The following ZNF705A variants were observed in gnomAD, a reference collection of about 807,000 sequenced individuals.
ZNF705A encodes the protein zinc finger protein 705A.
Under a neutral mutation model 16.6 loss-of-function variants are expected in ZNF705A, and 8 were observed. The observed-to-expected ratio is 0.48, with a 90% CI of 0.28 to 0.87. ZNF705A has a LOEUF of 0.87. Among genes scored for constraint, ZNF705A ranks in the 40% least tolerant of loss-of-function variants. ZNF705A has a pLI of 0.10. For missense variants in ZNF705A, 233 were observed against 359.9 expected, an observed-to-expected ratio of 0.65 and a Z score of 2.85; for synonymous variants, 73 against 117.3, an observed-to-expected ratio of 0.62 and a Z score of 2.44.
intron 1 of ZNF705A, among the ~76,000 whole-genome samples, chr12:8,164,357 C>G (rs1199566111): frequency 6.6e-6 from 1 of 152,272 alleles, no homozygotes; most frequent in South Asian, 2.1e-4. Flanking sequence ...TGTGGTTGGC[C>G]TATTTCATAT....
chr12:8,177,622 C>T, exon 5 of ZNF705A: 1 of 1,571,636 alleles, frequency 6.4e-7, no homozygotes. Context: ...CATATGAATG[C>T]CATTTATGTG....
In ZNF705A at chr12:8,174,521, C is replaced by G. The variant is rs1476595681; in HGVS notation, c.139+69C>G. The G allele has an allele frequency of 5.6e-6, 9 of 1,593,162 alleles. No individual in the cohort carries two copies. In the East Asian group the frequency reaches 1.8e-4, roughly 32 times the overall value. ...CTCATTCATTCAATAAGTGTTAGAACAGCTTCCCCATATCTCACTCTAATC... is the reference window on the plus strand; with the variant it reads ...CTCATTCATTCAATAAGTGTTAGAAGAGCTTCCCCATATCTCACTCTAATC... On this transcript the variant is annotated intron_variant, in intron 2 of 4. Transcript: ENST00000359286.
chr12:8,159,401 C>T (rs1057056429), intron 1 of ZNF705A, among the ~76,000 whole-genome samples: 1 of 152,076 alleles, frequency 6.6e-6, no homozygotes, highest in Non-Finnish European at 1.5e-5. Context: ...CACTTTTCTA[C>T]ATAGTGACTG....
intron 1 of ZNF705A, among the ~76,000 whole-genome samples, chr12:8,167,144 C>T (rs1948405796): frequency 6.6e-6 from 1 of 152,094 alleles, no homozygotes; most frequent in African/African-American, 2.4e-5. Flanking sequence ...TCCAGTTTAC[C>T]TCCAAAGAAT....
At chr12:8,171,832 GTTCAAGAGATTCTCCTGC>G (rs1329668756), upstream of ZNF705A, among the ~76,000 whole-genome samples, 2 of 152,136 alleles carry the variant, frequency 1.3e-5, no homozygotes, top group African/African-American at 4.8e-5. Flanking sequence ...TGCCTCCCGG[GTTCAAGAGATTCTCCTGC>G]TTCAGCCTCC....
At chr12:8,173,116 T>C (rs1050363070) in intron 1 of ZNF705A, among the ~76,000 whole-genome samples, 3 of 152,256 alleles carry the variant, frequency 2.0e-5, no homozygotes, top group African/African-American at 7.2e-5. Context: ...ATGAGTCTGA[T>C]GTTCTAGCAG....
chr12:8,171,654 G>C (rs1477944724), upstream of ZNF705A, among the ~76,000 whole-genome samples: 15 of 152,190 alleles, frequency 9.9e-5, no homozygotes, highest in Admixed American at 7.2e-4. Context: ...TTCTGATGCA[G>C]GAGATTTTAA....
intron 3 of ZNF705A, among the ~76,000 whole-genome samples, chr12:8,175,602 C>A (rs746035611): frequency 6.6e-6 from 1 of 152,158 alleles, no homozygotes. Context: ...TCCCTGATAC[C>A]CCTGTGAAGA....
At chr12:8,159,789 T>C (rs1056708860) in intron 1 of ZNF705A, among the ~76,000 whole-genome samples, 2 of 152,188 alleles carry the variant, frequency 1.3e-5, no homozygotes. Flanking sequence ...TTTACTCTAC[T>C]GACTGTTCCT....
chr12:8,171,926 G>A (rs759096266), upstream of ZNF705A, among the ~76,000 whole-genome samples: 12 of 152,228 alleles, frequency 7.9e-5, no homozygotes, highest in South Asian at 1.7e-3. Context: ...CAGTAAAGAC[G>A]GGGTTTCACC....
chr12:8,170,196 C>CAAAAAAAAAAAA (rs1188328005), upstream of ZNF705A, among the ~76,000 whole-genome samples: 139 of 126,506 alleles, frequency 1.1e-3, 7 homozygotes, highest in African/African-American at 4.5e-3. Context: ...CCCCCCCCCC[C>CAAAAAAAAAAAA]AAAAAAAAAA....
chr12:8,177,424 A>G, exon 5 of ZNF705A: 1 of 1,612,122 alleles, frequency 6.2e-7, no homozygotes, highest in Non-Finnish European at 8.5e-7. Context: ...GACATGAGAG[A>G]ACTCACCTTG....
At chr12:8,170,192 C>A (rs145174240), upstream of ZNF705A, among the ~76,000 whole-genome samples, 947 of 126,528 alleles carry the variant, frequency 7.5e-3, 25 homozygotes, top group Non-Finnish European at 9.0e-3. Context: ...TCTCCCCCCC[C>A]CCCCAAAAAA....
exon 5 of ZNF705A, chr12:8,179,506 A>T (rs1948514919): frequency 6.6e-6 from 1 of 152,222 alleles, no homozygotes; most frequent in South Asian, 2.1e-4. Context: ...TGTTTCCTGA[A>T]TATCAAGTGG....
upstream of ZNF705A, among the ~76,000 whole-genome samples, chr12:8,171,554 C>T (rs1213743225): frequency 6.6e-6 from 1 of 152,164 alleles, no homozygotes; most frequent in Non-Finnish European, 1.5e-5. Flanking sequence ...TCTCCCACCC[C>T]TACGTCATTT....
At chr12:8,168,280 T>G (rs934214491), upstream of ZNF705A, among the ~76,000 whole-genome samples, 33 of 152,318 alleles carry the variant, frequency 2.2e-4, no homozygotes, top group African/African-American at 7.7e-4. Flanking sequence ...AGAGGCAATG[T>G]GATAACTGAC....
chr12:8,157,781 T>A (rs763395240), intron 1 of ZNF705A, among the ~76,000 whole-genome samples: 1 of 152,164 alleles, frequency 6.6e-6, no homozygotes, highest in South Asian at 2.1e-4. Flanking sequence ...AACTGTGAAA[T>A]GTTGACCTAA....
chr12:8,179,903 C>A (rs962140662), exon 5 of ZNF705A: 2 of 152,158 alleles, frequency 1.3e-5, no homozygotes, highest in Non-Finnish European at 2.9e-5. Flanking sequence ...AGATCTCCAG[C>A]CATTATTAAA....
upstream of ZNF705A, among the ~76,000 whole-genome samples, chr12:8,170,192 C>T (rs145174240): frequency 1.6e-4 from 20 of 126,528 alleles, no homozygotes; most frequent in East Asian, 4.2e-4. Flanking sequence ...TCTCCCCCCC[C>T]CCCCAAAAAA....
Sources: gnomAD v4.1 joint callset for allele counts (sites outside exome capture counted in the v4.1 genomes callset) on GRCh38, gnomAD v4.1.1 for gene constraint, MANE v1.5 for transcripts, NCBI Gene and HGNC (gene_info 2026-07-23, HGNC 2026-07-21) for gene names.